The following PTPRD variants were observed in gnomAD, a reference collection of about 807,000 sequenced individuals.
PTPRD encodes receptor-type tyrosine-protein phosphatase delta.
In PTPRD, 34 loss-of-function variants were observed where a neutral mutation model predicts 214.5. That is an observed-to-expected ratio of 0.16 (90% CI 0.12 to 0.21). PTPRD has a LOEUF of 0.21. Among genes scored for constraint, PTPRD ranks in the 10% least tolerant of loss-of-function variants. The probability of loss-of-function intolerance (pLI) is 1.00; values close to 1 mark genes in which losing one functional copy is unlikely to be tolerated. For missense variants in PTPRD, 2,545 were observed against 2,398.7 expected (o/e 1.06, Z -1.27); for synonymous variants, 1,128 against 845.7 (o/e 1.33, Z -5.79).
chr9:9,484,604 C>T (rs892549507), intron 8 of PTPRD, among the ~76,000 whole-genome samples: 18 of 152,104 alleles, frequency 1.2e-4, no homozygotes, highest in Non-Finnish European at 2.5e-4. Context: ...GGTTTACATT[C>T]ATTCAGTGCC....
intron 6 of PTPRD, among the ~76,000 whole-genome samples, chr9:9,746,240 C>A (rs572790192): frequency 1.1e-4 from 16 of 151,900 alleles, no homozygotes; most frequent in African/African-American, 7.2e-5. Context: ...ATAAAAGAGA[C>A]GACATGCTCA....
intron 9 of PTPRD, among the ~76,000 whole-genome samples, chr9:9,320,076 G>A (rs1466561166): frequency 6.6e-6 from 1 of 152,178 alleles, no homozygotes; most frequent in East Asian, 1.9e-4. Context: ...TGTTTTAAAT[G>A]AATAATAATG....
chr9:9,334,502 A>C (rs949823585), intron 9 of PTPRD, among the ~76,000 whole-genome samples: 1 of 152,020 alleles, frequency 6.6e-6, no homozygotes, highest in Non-Finnish European at 1.5e-5. Context: ...AAGTGACAGA[A>C]TAAAATATTT....
intron 9 of PTPRD, among the ~76,000 whole-genome samples, chr9:9,230,385 T>C (rs956488264): frequency 2.0e-5 from 3 of 152,146 alleles, no homozygotes; most frequent in Admixed American, 6.6e-5. Context: ...GCCCCATTCA[T>C]CTCTTCCATC....
chr9:10,371,073 T>C (rs1535660), intron 2 of PTPRD, among the ~76,000 whole-genome samples: 133,460 of 152,020 alleles, frequency 0.88, 58,657 homozygotes, highest in African/African-American at 0.93. Flanking sequence ...CAACCAAATT[T>C]GTGCTTCTCA....
intron 9 of PTPRD, among the ~76,000 whole-genome samples, chr9:9,324,457 T>C (rs1490458684): frequency 4.6e-5 from 7 of 152,218 alleles, no homozygotes; most frequent in South Asian, 2.1e-4. Context: ...TGAGCATTTT[T>C]TCATGTGTCT....
At chr9:8,336,029 C>T (rs534230861) in intron 43 of PTPRD, among the ~76,000 whole-genome samples, 7 of 150,696 alleles carry the variant, frequency 4.6e-5, no homozygotes, top group Non-Finnish European at 1.0e-4. Context: ...AATGGCCATA[C>T]TGCCCAAGGT....
chr9:8,482,323 T>C (rs1409996100), intron 30 of PTPRD, among the ~76,000 whole-genome samples: 1 of 152,140 alleles, frequency 6.6e-6, no homozygotes, highest in Non-Finnish European at 1.5e-5. Flanking sequence ...AACTCATGTC[T>C]ACCTCTGCAT....
At chr9:9,024,058 A>T (rs2154371646) in intron 10 of PTPRD, among the ~76,000 whole-genome samples, 1 of 151,938 alleles carries the variant, frequency 6.6e-6, no homozygotes, top group African/African-American at 2.4e-5. Context: ...AAGAAAAAAG[A>T]CAAAAATGAA....
chr9:8,953,470 C>T (rs1020124691), intron 11 of PTPRD, among the ~76,000 whole-genome samples: 1 of 151,876 alleles, frequency 6.6e-6, no homozygotes, highest in Non-Finnish European at 1.5e-5. Flanking sequence ...CCCTCAAAAG[C>T]AATGGCAACA....
chr9:9,734,991 T>C (rs979273331), intron 6 of PTPRD, among the ~76,000 whole-genome samples: 1 of 152,124 alleles, frequency 6.6e-6, no homozygotes, highest in African/African-American at 2.4e-5. Context: ...TTTCAGGTTT[T>C]TGCTGGCTAT....
At chr9:9,489,295 G>A (rs1405818887) in intron 8 of PTPRD, among the ~76,000 whole-genome samples, 2 of 152,146 alleles carry the variant, frequency 1.3e-5, no homozygotes, top group African/African-American at 2.4e-5. Flanking sequence ...AGCAGACGCT[G>A]TGGAAAAGAG....
chr9:8,479,882 T>C (rs1449401630), intron 30 of PTPRD, among the ~76,000 whole-genome samples: 15 of 152,312 alleles, frequency 9.8e-5, no homozygotes, highest in Middle Eastern at 3.4e-3. Context: ...CCTTCATTAT[T>C]TGTAACTTTT....
intron 6 of PTPRD, among the ~76,000 whole-genome samples, chr9:9,750,730 T>C (rs993844047): frequency 2.0e-5 from 3 of 152,158 alleles, no homozygotes; most frequent in Non-Finnish European, 4.4e-5. Flanking sequence ...ACAAGATATC[T>C]TGAGGAAGGA....
At position 10,385,167 on chromosome 9, in the gene PTPRD, T is replaced by C. The variant is rs536476748; in HGVS notation, c.-599-44150A>G. Among the ~76,000 whole-genome samples the C allele has an allele frequency of 2.0e-5, 3 of 151,956 alleles. No individual in the cohort carries two copies. In the East Asian group the frequency reaches 5.8e-4, roughly 30 times the overall value. ...ACTTGTTTTTTTTCCAAAAAGTTTA[T>C]TACTCCAGCCAAAAGTAAGTTTATT... On this transcript the variant is annotated intron_variant, in intron 2 of 45. Transcript: ENST00000381196.
intron 3 of PTPRD, among the ~76,000 whole-genome samples, chr9:10,234,770 T>C (rs1036070433): frequency 2.0e-5 from 3 of 151,912 alleles, no homozygotes; most frequent in Non-Finnish European, 4.4e-5. Flanking sequence ...GTGAATCCTG[T>C]TTATCTCACA....
chr9:9,157,990 G>T, intron 10 of PTPRD, among the ~76,000 whole-genome samples: 1 of 152,134 alleles, frequency 6.6e-6, no homozygotes, highest in African/African-American at 2.4e-5. Flanking sequence ...CTGTTCCTGC[G>T]TGTTTGCTAA....
At chr9:8,663,772 T>G (rs1019309058) in intron 12 of PTPRD, among the ~76,000 whole-genome samples, 2 of 152,068 alleles carry the variant, frequency 1.3e-5, no homozygotes, top group African/African-American at 4.8e-5. Context: ...ATTACAGGTG[T>G]GAGCCACTGT....
At chr9:9,995,230 C>G (rs2096078427) in intron 4 of PTPRD, among the ~76,000 whole-genome samples, 1 of 152,128 alleles carries the variant, frequency 6.6e-6, no homozygotes, top group Admixed American at 6.5e-5. Context: ...TGGCAGCATA[C>G]TTCACTTTTC....
Sources: allele counts gnomAD v4.1 joint callset (sites outside exome capture counted in the v4.1 genomes callset), GRCh38; gene constraint gnomAD v4.1.1; transcripts MANE v1.5; gene names NCBI Gene and HGNC (gene_info 2026-07-23, HGNC 2026-07-21).